Variants in ZBTB47 observed in about 807,000 individuals in gnomAD.
ZBTB47 encodes the protein zinc finger and BTB domain-containing protein 47.
A neutral mutation model predicts 56.6 loss-of-function variants in ZBTB47; 24 were observed. The observed-to-expected ratio is 0.42, with a 90% confidence interval of 0.31 to 0.60. The LOEUF is 0.60. Ranked by LOEUF, ZBTB47 falls within the 20% of genes least tolerant of loss-of-function variation. The pLI, the probability that ZBTB47 is intolerant of heterozygous loss-of-function variation, is 0.14. For missense variants in ZBTB47, 829 were observed against 1,032.6 expected, an observed-to-expected ratio of 0.80 and a Z score of 2.70; for synonymous variants, 414 against 418.9, an observed-to-expected ratio of 0.99 and a Z score of 0.14.
In ZBTB47 at chr3:42,664,748, A is replaced by T; in HGVS notation, c.*150A>T. ...TGGATGTACCCTGCCTGAGGCCCCG[A>T]CGAGGAGGGGTATGCAGGCTGGCAG... On this transcript the variant is annotated 3_prime_UTR_variant, in exon 6 of 6. Coordinates refer to ENST00000232974, the MANE Select transcript of ZBTB47 (RefSeq NM_145166.4). 1.1e-6 allele frequency: 1 copy of T among 936,262 alleles called. No homozygotes were observed. The highest frequency in any genetic ancestry group is 1.4e-6 in the Non-Finnish European group (1 of 705,958). The allele number at this position is 936,262 out of a possible 1,614,324, so 58.0% of individuals were successfully genotyped here. A position where few individuals can be genotyped will look rare whatever the true frequency, so the allele number is the denominator to read the frequency against.
At position 42,665,687 on chromosome 3, in the gene ZBTB47, C is replaced by T. The variant is rs1207396489; in HGVS notation, c.*1089C>T. On this transcript the variant is annotated 3_prime_UTR_variant, in exon 6 of 6. Coordinates refer to ENST00000232974, the MANE Select transcript of ZBTB47 (RefSeq NM_145166.4). ...CCCTGGCTGGCTCCAGCGTCCTCGT[C>T]CCTCCTGGGCCTGTGCACCGGTGGG... is the stretch of plus-strand genomic sequence containing the variant. 5 of 152,956 alleles carry T rather than the reference C, an allele frequency of 3.3e-5. No homozygotes were observed. The highest frequency in any genetic ancestry group is 5.9e-5 in the Non-Finnish European group (4 of 68,240). 9.5% of individuals were successfully genotyped at this position (152,956 alleles called of 1,614,324 possible).
Position 42,663,741 on chromosome 3 carries a change from A to G in ZBTB47, c.1738-56A>G. The stretch of plus-strand genomic sequence containing the variant: ...TGGCCACAGGGGAGCTGTTCCCTCC[A>G]CAAAGGCTGCTCTTCTGCTCTGTGC... On this transcript the variant is annotated intron_variant, in intron 4 of 5. Coordinates refer to ENST00000232974, the MANE Select transcript of ZBTB47 (RefSeq NM_145166.4). This position sits in a 1 kb window ranked among gnomAD's most constrained non-coding sequence, Gnocchi z 5.1. 6.3e-7 allele frequency: 1 copy of G among 1,595,540 alleles called. No homozygotes were observed. Among genetic ancestry groups the G allele is most frequent in the Non-Finnish European group, 8.6e-7 (1 of 1,166,536 alleles).
intron 1 of ZBTB47, among the ~76,000 whole-genome samples, chr3:42,657,464 TGA>T (rs1710651779): frequency 6.6e-6 from 1 of 151,634 alleles, no homozygotes; most frequent in Non-Finnish European, 1.5e-5. Flanking sequence ...AGCCCCTGAG[TGA>T]GAGAGAGCTG....
Position 42,664,527 on chromosome 3 carries a change from C to T in ZBTB47, c.2173C>T (p.His725Tyr), listed in dbSNP as rs981045848. ...GLPQTLPPPP[H>Y]LPPPPPLFPT... ...GCCCCAGACCCTGCCGCCCCCGCCC[C>T]ACCTGCCGCCCCCGCCTCCGCTCTT... The change falls in exon 6 of 6, where the codon CAC becomes TAC. Residue 725 changes from histidine to tyrosine, a missense_variant. Coordinates refer to ENST00000232974, the MANE Select transcript of ZBTB47 (RefSeq NM_145166.4). 4 of 1,411,756 alleles carry T rather than the reference C, an allele frequency of 2.8e-6. No homozygotes were observed. The African/African-American group carries it at 4.6e-5, about 16-fold the overall frequency. The allele number at this position is 1,411,756 out of a possible 1,614,324, so 87.5% of individuals were successfully genotyped here. A position where few individuals can be genotyped will look rare whatever the true frequency, so the allele number is the denominator to read the frequency against.
chr3:42,662,764 T>A (rs1710736096), intron 3 of ZBTB47, among the ~76,000 whole-genome samples: 2 of 152,196 alleles, frequency 1.3e-5, no homozygotes, highest in African/African-American at 4.8e-5. Flanking sequence ...GCCACTTCCC[T>A]TGACCAGAGG....
chr3:42,666,834 A>G lies in ZBTB47; in HGVS notation c.*2236A>G, dbSNP rs971109781. On this transcript the variant is annotated 3_prime_UTR_variant, in exon 6 of 6. Coordinates refer to ENST00000232974, the MANE Select transcript of ZBTB47 (RefSeq NM_145166.4). ...ATCAGGTGAGGGGTCCAGACAGCTG[A>G]CCAGACAGCTTGACAGCTGGTCAAG... is the stretch of plus-strand genomic sequence containing the variant. 1.3e-5 allele frequency among the ~76,000 whole-genome samples: 2 copies of G among 152,144 alleles called. No individual in the cohort carries two copies. Among genetic ancestry groups the G allele is most frequent in the Non-Finnish European group, 2.9e-5 (2 of 68,018 alleles).
Position 42,663,241 on chromosome 3 carries a change from A to AAG in ZBTB47, c.1737+121_1737+122dup, listed in dbSNP as rs1710743389. ...TAGGGGGTGGAATGTAGTGTCCAGAAAGAGAGAGCCCTGCCCTCTGAGGTC... is the reference window on the plus strand; with the variant it reads ...TAGGGGGTGGAATGTAGTGTCCAGAAAGAGAGAGAGCCCTGCCCTCTGAGGTC... On this transcript the variant is annotated intron_variant, in intron 4 of 5. Coordinates refer to ENST00000232974, the MANE Select transcript of ZBTB47 (RefSeq NM_145166.4). The surrounding 1 kb of genome is among the most constrained non-coding windows in gnomAD (Gnocchi z 5.1). 1 of 770,788 alleles carries AAG rather than the reference A, an allele frequency of 1.3e-6. No homozygotes were observed. The highest frequency in any genetic ancestry group is 2.2e-6 in the Non-Finnish European group (1 of 454,586). The allele number at this position is 770,788 out of a possible 1,614,324, so 47.7% of individuals were successfully genotyped here.
rs1349001726 is a variant in ZBTB47 at position 42,654,462 on chromosome 3, GC to G, written c.-82+583del. ...AGCTGACGCGCGGGCTCCAATCGGC[GC>G]CCCGCGCCCCCCGCCCGCCGCGCCC... On this transcript the variant is annotated intron_variant, in intron 1 of 5. Transcript: ENST00000232974. The surrounding 1 kb of genome is among the most constrained non-coding windows in gnomAD (Gnocchi z 5.0). 1 of 150,698 alleles carries G rather than the reference GC, an allele frequency of 6.6e-6. No homozygotes were observed. Among genetic ancestry groups the G allele is most frequent in the East Asian group, 2.0e-4 (1 of 5,110 alleles). The allele number at this position is 150,698 out of a possible 1,614,324, so 9.3% of individuals were successfully genotyped here.
chr3:42,664,187 G>C, intron 5 of ZBTB47, 50 bp from the exon 6 acceptor site: 1 of 1,600,912 alleles, frequency 6.2e-7, no homozygotes, highest in Non-Finnish European at 8.5e-7. Context: ...CCCCAGACTG[G>C]GGTGTGGCGA....
Position 42,666,670 on chromosome 3 carries a change from T to C in ZBTB47, c.*2072T>C, listed in dbSNP as rs1375232186. Among the ~76,000 whole-genome samples the C allele has an allele frequency of 6.6e-6, 1 of 152,068 alleles. No individual in the cohort carries two copies. Among genetic ancestry groups the C allele is most frequent in the East Asian group, 1.9e-4 (1 of 5,176 alleles). On this transcript the variant is annotated 3_prime_UTR_variant, in exon 6 of 6. Transcript: ENST00000232974. ...CCTGCTGGCCCCACTACAGCCTGAG[T>C]AGGCCTGAGTGGCCGTGGCCAGGCT...
chr3:42,663,802 C>T lies in ZBTB47; in HGVS notation c.1743C>T (p.Cys581=). The change falls in exon 5 of 6, where the codon TGC becomes TGT. Residue 581 remains cysteine (C), a synonymous_variant. Coordinates refer to ENST00000232974, the MANE Select transcript of ZBTB47 (RefSeq NM_145166.4). This position sits in a 1 kb window ranked among gnomAD's most constrained non-coding sequence, Gnocchi z 5.1. ...CCCCCAAACCCCACCCCCAGAACTG[C>T]AATGAGCGCTTCCAGTACAAGTACC... The part of the protein sequence containing the change: ...SGEKPFRCEN[C]NERFQYKYQL... 6.2e-7 allele frequency: 1 copy of T among 1,613,340 alleles called. No homozygotes were observed. Among genetic ancestry groups the T allele is most frequent in the Non-Finnish European group, 8.5e-7 (1 of 1,179,588 alleles).
rs760243580 is a variant in ZBTB47, at chr3:42,664,405, G to C, written c.2051G>C (p.Arg684Pro). The change falls in exon 6 of 6, where the codon CGC becomes CCC. Residue 684 changes from arginine to proline, a missense_variant. Physicochemically the swap from Arg to Pro is moderately radical, Grantham distance 103. Coordinates refer to ENST00000232974, the MANE Select transcript of ZBTB47 (RefSeq NM_145166.4). The stretch of plus-strand genomic sequence containing the variant: ...AAGGCCCACAAGGAGAAGTGCTTCC[G>C]CGTCAGCCACACCCTGGCCGGCGAC... The part of the protein sequence containing the change: ...MLKAHKEKCF[R>P]VSHTLAGDGV... 45 of 1,584,188 alleles carry C rather than the reference G, an allele frequency of 2.8e-5. No individual in the cohort carries two copies. Among genetic ancestry groups the C allele is most frequent in the Non-Finnish European group, 7.7e-6 (9 of 1,167,236 alleles).
In ZBTB47 at chr3:42,658,293, A is replaced by C; in HGVS notation, c.-63A>C. The C allele has an allele frequency of 4.7e-6, 7 of 1,480,012 alleles. No homozygotes were observed. The highest frequency in any genetic ancestry group is 6.3e-6 in the Non-Finnish European group (7 of 1,118,394). 91.7% of individuals were successfully genotyped at this position (1,480,012 alleles called of 1,614,324 possible). ...CCCGCAGTTGCTGGTTGAGAAGACA[A>C]CTGACTCCCCGGCGGCTGAGTTCTC... On this transcript the variant is annotated 5_prime_UTR_variant, in exon 2 of 6. Transcript: ENST00000232974.
rs1710616561 is a variant in ZBTB47 at position 42,654,759 on chromosome 3, A to T, written c.-82+876A>T. On this transcript the variant is annotated intron_variant, in intron 1 of 5. Coordinates refer to ENST00000232974, the MANE Select transcript of ZBTB47 (RefSeq NM_145166.4). The surrounding 1 kb of genome is among the most constrained non-coding windows in gnomAD (Gnocchi z 5.0). ...ACCTGCCAGCTCTGACCTCCCAGGC[A>T]CACGGCCCGCGGGCCCGGGTGGAGG... 4.1e-6 allele frequency: 4 copies of T among 980,054 alleles called. No individual in the cohort carries two copies. Among genetic ancestry groups the T allele is most frequent in the Non-Finnish European group, 4.8e-6 (4 of 825,616 alleles). The allele number at this position is 980,054 out of a possible 1,614,324, so 60.7% of individuals were successfully genotyped here.
chr3:42,659,469 C>G lies in ZBTB47; in HGVS notation c.1114C>G (p.Pro372Ala), dbSNP rs1390580336. The change falls in exon 2 of 6, where the codon CCT (proline) becomes GCT (alanine). Residue 372 changes from proline (P) to alanine (A), a missense_variant. Physicochemically the swap from Pro to Ala is conservative, Grantham distance 27. Transcript: ENST00000232974. ...AAGCCGAAGCAGCCGGGCAGACCCC[C>G]CTCCCCACAGTCACATGGCCACACG... is the stretch of plus-strand genomic sequence containing the variant. ...RGSRSSRADP[P>A]PHSHMATRSR... is the part of the protein sequence containing the mutation. The G allele has an allele frequency of 2.6e-6, 4 of 1,517,404 alleles. No individual in the cohort carries two copies. The highest frequency in any genetic ancestry group is 4.3e-5 in the Admixed American group (2 of 47,038). 94.0% of individuals were successfully genotyped at this position (1,517,404 alleles called of 1,614,324 possible). A position where few individuals can be genotyped will look rare whatever the true frequency, so the allele number is the denominator to read the frequency against.
At position 42,664,043 on chromosome 3, in the gene ZBTB47, T is replaced by C. The variant is rs757356164; in HGVS notation, c.1882+102T>C. On this transcript the variant is annotated intron_variant, in intron 5 of 5. Transcript: ENST00000232974. ...AATCTTGGCCACACCCCTTCTCAAG[T>C]CTGGGCCTCCGTTTACCCATGCTTC... is the stretch of plus-strand genomic sequence containing the variant. The C allele has an allele frequency of 4.3e-5, 64 of 1,484,804 alleles. No homozygotes were observed. The Middle Eastern group carries it at 7.0e-4, about 16-fold the overall frequency. 92.0% of individuals were successfully genotyped at this position (1,484,804 alleles called of 1,614,324 possible).
chr3:42,663,216 TA>T lies in ZBTB47; in HGVS notation c.1737+90del. The T allele has an allele frequency of 1.0e-6, 1 of 984,612 alleles. No individual in the cohort carries two copies. The highest frequency in any genetic ancestry group is 1.6e-6 in the Non-Finnish European group (1 of 619,362). The allele number at this position is 984,612 out of a possible 1,614,324, so 61.0% of individuals were successfully genotyped here. A position where few individuals can be genotyped will look rare whatever the true frequency, so the allele number is the denominator to read the frequency against. On this transcript the variant is annotated intron_variant, in intron 4 of 5. Transcript: ENST00000232974. The surrounding 1 kb of genome is among the most constrained non-coding windows in gnomAD (Gnocchi z 5.1). Reference sequence around the variant, plus strand: ...GCGCAGCTGCTGAAAAACAAAGGGCTAGGGGGTGGAATGTAGTGTCCAGAAA... The same window carrying T: ...GCGCAGCTGCTGAAAAACAAAGGGCTGGGGGTGGAATGTAGTGTCCAGAAA...
At position 42,659,448 on chromosome 3, in the gene ZBTB47, C is replaced by T. The variant is rs867497811; in HGVS notation, c.1093C>T (p.Arg365Ter). The T allele has an allele frequency of 2.0e-6, 3 of 1,490,878 alleles. No homozygotes were observed. Among genetic ancestry groups the T allele is most frequent in the Non-Finnish European group, 2.7e-6 (3 of 1,127,238 alleles). 92.4% of individuals were successfully genotyped at this position (1,490,878 alleles called of 1,614,324 possible). A position where few individuals can be genotyped will look rare whatever the true frequency, so the allele number is the denominator to read the frequency against. ...GGGCAAGCAGGGGCCACGGGGAAGCCGAAGCAGCCGGGCAGACCCCCCTCC... is the reference window on the plus strand; with the variant it reads ...GGGCAAGCAGGGGCCACGGGGAAGCTGAAGCAGCCGGGCAGACCCCCCTCC... ...AGGKQGPRGS[R>*]SSRADPPPHS... The change falls in exon 2 of 6, where the codon CGA (arginine) becomes TGA (stop). Residue 365 changes from arginine (R) to a stop codon, truncating the protein, a stop_gained. Coordinates refer to ENST00000232974, the MANE Select transcript of ZBTB47 (RefSeq NM_145166.4). LOFTEE classifies it high-confidence loss of function.
chr3:42,659,601 C>T lies in ZBTB47; in HGVS notation c.1246C>T (p.Arg416Ter). The stretch of plus-strand genomic sequence containing the variant: ...CCCTGGAGTGGCCTCTGCATCGGCC[C>T]GAGGGCCGCCAGCCACTGATGGGCT... ...PPPGVASASA[R>*]GPPATDGLGA... The change falls in exon 2 of 6, where the codon CGA (arginine) becomes TGA (stop). Residue 416 changes from arginine (R) to a stop codon, truncating the protein, a stop_gained. Coordinates refer to ENST00000232974, the MANE Select transcript of ZBTB47 (RefSeq NM_145166.4). LOFTEE classifies it high-confidence loss of function. 2 of 1,597,370 alleles carry T rather than the reference C, an allele frequency of 1.3e-6. No homozygotes were observed. The highest frequency in any genetic ancestry group is 2.3e-5 in the East Asian group (1 of 43,746).
Sources: gnomAD v4.1 joint callset for allele counts (sites outside exome capture counted in the v4.1 genomes callset) on GRCh38, gnomAD v4.1.1 for gene constraint, Gnocchi (gnomAD v3.1) non-coding constraint, MANE v1.5 for transcripts, NCBI Gene and HGNC (gene_info 2026-07-23, HGNC 2026-07-21) for gene names.